Variants in CLCN6 observed in about 807,000 individuals in gnomAD.
CLCN6 encodes the protein Cl-/H+ antiporter 6, also known as H(+)/Cl(-) exchange transporter 6.
A neutral mutation model predicts 109.8 loss-of-function variants in CLCN6; 70 were observed. The observed-to-expected ratio is 0.64, with a 90% CI of 0.53 to 0.78. The LOEUF (loss-of-function observed/expected upper bound fraction) is 0.78. CLCN6 is among the 30% of genes least tolerant of loss of function. The pLI, the probability that CLCN6 is intolerant of heterozygous loss-of-function variation, is 0.00. For synonymous variants in CLCN6, 444 were observed against 447.8 expected (o/e 0.99, Z 0.11); for missense variants, 984 against 1,142.3 (o/e 0.86, Z 2.00).
rs1321898653 is a variant in CLCN6, at chr1:11,842,714, G to A, written c.*2491G>A. On this transcript the variant is annotated 3_prime_UTR_variant, in exon 23 of 23. Transcript: ENST00000346436. ...TGGGGCCAATGGGCCCCCGGCCCTG[G>A]CTTTGGGACCTTGTGCTGAGGGATG... is the stretch of plus-strand genomic sequence containing the variant. The A allele has an allele frequency of 6.6e-6, 1 of 152,304 alleles. No individual in the cohort carries two copies. Among genetic ancestry groups the A allele is most frequent in the Non-Finnish European group, 1.5e-5 (1 of 68,062 alleles). 9.4% of individuals were successfully genotyped at this position (152,304 alleles called of 1,614,324 possible).
intron 3 of CLCN6, among the ~76,000 whole-genome samples, chr1:11,816,268 A>G (rs1644670666): frequency 6.6e-6 from 1 of 152,210 alleles, no homozygotes; most frequent in Non-Finnish European, 1.5e-5. Context: ...CATCACTTTT[A>G]TATGCACTGG....
Position 11,830,563 on chromosome 1 carries a change from C to T in CLCN6, c.1248+1241C>T, listed in dbSNP as rs1374912839. Among the ~76,000 whole-genome samples, 7 of 151,790 alleles carry T rather than the reference C, an allele frequency of 4.6e-5. No homozygotes were observed. The South Asian group carries it at 1.0e-3, about 23-fold the overall frequency. On this transcript the variant is annotated intron_variant, in intron 13 of 22. Coordinates refer to ENST00000346436, the MANE Select transcript of CLCN6 (RefSeq NM_001286.5). ...CACCATTTTATATCTGGGACTTGAG[C>T]ATCCCTGGATTTTGGTATCCATCGG...
intron 21 of CLCN6, 29 bp downstream of exon 21, chr1:11,838,471 T>A (rs766052950): frequency 3.1e-6 from 5 of 1,610,468 alleles, no homozygotes; most frequent in Non-Finnish European, 4.2e-6. Context: ...GCCTGTCCCA[T>A]GCGGAGCTGC....
intron 17 of CLCN6, among the ~76,000 whole-genome samples, chr1:11,835,438 A>G (rs1644931960): frequency 6.6e-6 from 1 of 152,108 alleles, no homozygotes; most frequent in Non-Finnish European, 1.5e-5. Context: ...CACCTGGCTA[A>G]TTTTTAACAT....
In CLCN6 at chr1:11,838,571, GT is replaced by G; in HGVS notation, c.2441del (p.Val814AlafsTer25). 6.2e-7 allele frequency: 1 copy of G among 1,612,498 alleles called. No homozygotes were observed. The highest frequency in any genetic ancestry group is 8.5e-7 in the Non-Finnish European group (1 of 1,178,662). On this transcript the variant is annotated frameshift_variant, in exon 22 of 23. Coordinates refer to ENST00000346436, the MANE Select transcript of CLCN6 (RefSeq NM_001286.5). LOFTEE classifies it high-confidence loss of function. The part of the protein sequence containing the change: ...TPYMNPSPFT[V>X]SPNTHVSQVF... ...ATACATGAACCCTTCGCCTTTCACC[GT>G]CTCGCCCAACACCCACGTCTCCCAA...
rs1168351357 is a variant in CLCN6 at position 11,840,166 on chromosome 1, C to T, written c.2553C>T (p.His851=). The T allele has an allele frequency of 1.2e-6, 2 of 1,613,944 alleles. No homozygotes were observed. Among genetic ancestry groups the T allele is most frequent in the Non-Finnish European group, 1.7e-6 (2 of 1,180,032 alleles). ...VGEIVGIITR[H]NLTYEFLQAR... Reference sequence around the variant, plus strand: ...AGATCGTGGGGATCATCACACGGCACAACCTCACCTATGAATTTCTGCAGG... The same window carrying T: ...AGATCGTGGGGATCATCACACGGCATAACCTCACCTATGAATTTCTGCAGG... Residue 851 remains histidine (H), a synonymous_variant, in exon 23 of 23, where the codon CAC becomes CAT. Coordinates refer to ENST00000346436, the MANE Select transcript of CLCN6 (RefSeq NM_001286.5).
At chr1:11,815,076 T>C (rs557393311) in intron 2 of CLCN6, among the ~76,000 whole-genome samples, 1 of 151,956 alleles carries the variant, frequency 6.6e-6, no homozygotes, top group Non-Finnish European at 1.5e-5. Flanking sequence ...AAAAATACTT[T>C]CCATGTTAGT....
Position 11,829,237 on chromosome 1 carries a change from T to A in CLCN6, c.1163T>A (p.Val388Glu). ...CTTGTGTCTCTGGTAACCACCGTGG[T>A]GGTGTTTGTGGCCTCGATGGTGTTA... ...SLLVSLVTTV[V>E]VFVASMVLGE... is the part of the protein sequence containing the mutation. The change falls in exon 13 of 23, where the codon GTG becomes GAG. Residue 388 changes from valine (V) to glutamate (E), a missense_variant. Transcript: ENST00000346436. 1 of 1,614,136 alleles carries A rather than the reference T, an allele frequency of 6.2e-7. No individual in the cohort carries two copies. Among genetic ancestry groups the A allele is most frequent in the East Asian group, 2.2e-5 (1 of 44,886 alleles).
Position 11,838,404 on chromosome 1 carries a change from G to T in CLCN6, c.2365G>T (p.Asp789Tyr). ...EDYPRYPDIH[D>Y]LDLTLLNPRM... is the part of the protein sequence containing the mutation. ...CTACCCGCGGTACCCCGACATCCAC[G>T]ACCTGGACCTGACGCTGCTCAACCC... The change falls in exon 21 of 23, where the codon GAC becomes TAC. Residue 789 changes from aspartate (D) to tyrosine (Y), a missense_variant. Physicochemically the swap from Asp to Tyr is radical, Grantham distance 160. Coordinates refer to ENST00000346436, the MANE Select transcript of CLCN6 (RefSeq NM_001286.5). 1 of 1,613,990 alleles carries T rather than the reference G, an allele frequency of 6.2e-7. No individual in the cohort carries two copies. Among genetic ancestry groups the T allele is most frequent in the Non-Finnish European group, 8.5e-7 (1 of 1,180,008 alleles).
At chr1:11,806,954 C>T in intron 1 of CLCN6, 177 bp from the exon 2 acceptor site, 1 of 612,468 alleles carries the variant, frequency 1.6e-6, no homozygotes, top group Non-Finnish European at 2.9e-6. Context: ...CAGCTGATGG[C>T]TGTAGATCCT....
intron 13 of CLCN6, among the ~76,000 whole-genome samples, chr1:11,830,447 A>T (rs1321620862): frequency 6.6e-6 from 1 of 152,340 alleles, no homozygotes; most frequent in East Asian, 1.9e-4. Context: ...AATTATTTAC[A>T]TAGCATTTAC....
intron 8 of CLCN6, among the ~76,000 whole-genome samples, chr1:11,825,093 G>A (rs1440137160): frequency 6.6e-6 from 1 of 152,156 alleles, no homozygotes; most frequent in Non-Finnish European, 1.5e-5. Flanking sequence ...GAGAGGTTGA[G>A]GTACTAGCTC....
chr1:11,821,393 A>G (rs1285199246), intron 5 of CLCN6, among the ~76,000 whole-genome samples: 2 of 152,206 alleles, frequency 1.3e-5, no homozygotes, highest in African/African-American at 4.8e-5. Context: ...CCCTGTCTCT[A>G]CTAAAAATAC....
chr1:11,838,912 TCCTC>T (rs1209479980), intron 22 of CLCN6: 1 of 719,892 alleles, frequency 1.4e-6, no homozygotes, highest in Admixed American at 2.0e-5. Flanking sequence ...GGCTGTGTCT[TCCTC>T]CTGAAATGTT....
chr1:11,824,400 A>T, intron 7 of CLCN6, 86 bp from the exon 8 acceptor site: 1 of 1,018,264 alleles, frequency 9.8e-7, no homozygotes, highest in Non-Finnish European at 1.5e-6. Context: ...TTCAGTTGTC[A>T]CGAGGAAGGT....
chr1:11,827,026 A>G, intron 9 of CLCN6, 63 bp from the exon 10 acceptor site: 1 of 1,588,972 alleles, frequency 6.3e-7, no homozygotes, highest in Non-Finnish European at 8.5e-7. Flanking sequence ...TAAGGAAGTC[A>G]GAAACCACCT....
chr1:11,815,809 T>A, intron 2 of CLCN6, 37 bp from the exon 3 acceptor site: 2 of 1,568,122 alleles, frequency 1.3e-6, no homozygotes, highest in Non-Finnish European at 1.8e-6. Context: ...TCTTCTCACC[T>A]GACATGACCT....
At chr1:11,838,695 G>T (rs369402764) in intron 22 of CLCN6, 35 bp downstream of exon 22, 5 of 1,614,110 alleles carry the variant, frequency 3.1e-6, no homozygotes, top group Non-Finnish European at 4.2e-6. Context: ...CCACCTTTGA[G>T]AGAGGATCCC....
intron 22 of CLCN6, among the ~76,000 whole-genome samples, chr1:11,839,264 C>T (rs998070940): frequency 6.6e-6 from 1 of 152,086 alleles, no homozygotes; most frequent in Non-Finnish European, 1.5e-5. Context: ...GTTGTTGTTG[C>T]TGTTGTTGTT....
Sources: allele counts gnomAD v4.1 joint callset (sites outside exome capture counted in the v4.1 genomes callset), GRCh38; gene constraint gnomAD v4.1.1; transcripts MANE v1.5; gene names NCBI Gene and HGNC (gene_info 2026-07-23, HGNC 2026-07-21).